SLC8A1: variants seen among roughly 807,000 people sequenced by gnomAD.
The protein encoded by SLC8A1 is sodium/calcium exchanger 1.
A neutral mutation model predicts 68.3 loss-of-function variants in SLC8A1; 18 were observed. The ratio of observed to expected loss-of-function variants is 0.26; its 90% confidence interval spans 0.18 to 0.39. SLC8A1 has a LOEUF of 0.39. Ranked by LOEUF, SLC8A1 falls within the 10% of genes least tolerant of loss-of-function variation. The probability of loss-of-function intolerance (pLI) is 1.00; values close to 1 mark genes in which losing one functional copy is unlikely to be tolerated. For synonymous variants in SLC8A1, 475 were observed against 415.5 expected (o/e 1.14, Z -1.74); for missense variants, 985 against 1,156.7 (o/e 0.85, Z 2.15).
chr2:40,379,936 C>T (rs1424674593), intron 2 of SLC8A1, among the ~76,000 whole-genome samples: 1 of 152,046 alleles, frequency 6.6e-6, no homozygotes, highest in Non-Finnish European at 1.5e-5. Context: ...TAGGAAAGAG[C>T]TCTAGTAGGT....
intron 2 of SLC8A1, among the ~76,000 whole-genome samples, chr2:40,416,987 A>G (rs1312669504): frequency 6.6e-6 from 1 of 152,102 alleles, no homozygotes. Context: ...AAAAATAAAA[A>G]TGATAATTTA....
chr2:40,337,362 C>A, intron 2 of SLC8A1: 1 of 330,342 alleles, frequency 3.0e-6, no homozygotes, highest in South Asian at 2.3e-5. Flanking sequence ...ACAGCTCAGT[C>A]GTACAGAGTA....
chr2:40,466,655 G>A (rs973030622), intron 1 of SLC8A1, among the ~76,000 whole-genome samples: 1 of 152,130 alleles, frequency 6.6e-6, no homozygotes, highest in African/African-American at 2.4e-5. Flanking sequence ...GTAATGACAG[G>A]AAATATGATT....
exon 8 of SLC8A1, chr2:40,105,392 A>G (rs1328656771): frequency 1.3e-5 from 2 of 152,212 alleles, no homozygotes; most frequent in Non-Finnish European, 2.9e-5. Flanking sequence ...TCTTTGGGTA[A>G]AGGTATAGTA....
chr2:40,393,617 C>T (rs1475655639), intron 2 of SLC8A1, among the ~76,000 whole-genome samples: 1 of 152,012 alleles, frequency 6.6e-6, no homozygotes, highest in Non-Finnish European at 1.5e-5. Flanking sequence ...CATATAAACC[C>T]ATATGAGGGT....
chr2:40,147,559 T>G (rs1437163687), intron 6 of SLC8A1, among the ~76,000 whole-genome samples: 1 of 152,196 alleles, frequency 6.6e-6, no homozygotes, highest in Non-Finnish European at 1.5e-5. Context: ...CACCAGGTTC[T>G]AAGACTGGCC....
chr2:40,359,407 A>T (rs1204901064), intron 2 of SLC8A1, among the ~76,000 whole-genome samples: 1 of 152,194 alleles, frequency 6.6e-6, no homozygotes, highest in African/African-American at 2.4e-5. Flanking sequence ...TAGTAAGTAC[A>T]TGCATAGCCT....
At chr2:40,128,279 G>A (rs2038570440) in intron 7 of SLC8A1, among the ~76,000 whole-genome samples, 1 of 152,154 alleles carries the variant, frequency 6.6e-6, no homozygotes, top group South Asian at 2.1e-4. Context: ...TTCTCATGCA[G>A]GGACCAGACA....
At chr2:40,293,629 C>T (rs1484660081) in intron 2 of SLC8A1, among the ~76,000 whole-genome samples, 5 of 152,064 alleles carry the variant, frequency 3.3e-5, no homozygotes, top group Admixed American at 6.5e-5. Flanking sequence ...AGGAAAATCA[C>T]TCTATTGATG....
At chr2:40,284,197 C>T (rs1004438819) in intron 2 of SLC8A1, among the ~76,000 whole-genome samples, 1 of 151,302 alleles carries the variant, frequency 6.6e-6, no homozygotes, top group Non-Finnish European at 1.5e-5. Context: ...CTATCTATAC[C>T]AATATATCTC....
At chr2:40,255,507 A>AAAGT (rs2063767467) in intron 2 of SLC8A1, among the ~76,000 whole-genome samples, 1 of 152,208 alleles carries the variant, frequency 6.6e-6, no homozygotes, top group Non-Finnish European at 1.5e-5. Context: ...TAGTAGGGAG[A>AAAGT]AAGTGTTCTG....
chr2:40,247,427 C>CAT lies in SLC8A1; in HGVS notation c.1809-69574_1809-69573dup, dbSNP rs530778980. Among the ~76,000 whole-genome samples the CAT allele has an allele frequency of 3.5e-4, 28 of 80,176 alleles. 1 individual carries two copies. In the South Asian group the frequency reaches 8.0e-3, roughly 23 times the overall value. The allele number at this position is 80,176 out of a possible 152,430, so 52.6% of individuals were successfully genotyped here. A position where few individuals can be genotyped will look rare whatever the true frequency, so the allele number is the denominator to read the frequency against. On this transcript the variant is annotated intron_variant, in intron 2 of 7. Coordinates refer to ENST00000406785, the Ensembl canonical transcript of SLC8A1. ...TTAGCAAAGCAACTTTAGAAAACAG[C>CAT]ATATATATGTGTGTGTGTGTGTGTG... is the stretch of plus-strand genomic sequence containing the variant.
At chr2:40,247,180 T>C (rs1222275402) in intron 2 of SLC8A1, among the ~76,000 whole-genome samples, 1 of 152,090 alleles carries the variant, frequency 6.6e-6, no homozygotes, top group African/African-American at 2.4e-5. Flanking sequence ...CTTTGAGCCT[T>C]GGTGAGTTTT....
intron 2 of SLC8A1, among the ~76,000 whole-genome samples, chr2:40,401,698 C>T (rs1688807469): frequency 6.7e-6 from 1 of 149,510 alleles, no homozygotes; most frequent in Admixed American, 6.7e-5. Context: ...ATTCTATTTA[C>T]ATTTAGTGTA....
At chr2:40,268,825 T>C (rs1008630443) in intron 2 of SLC8A1, among the ~76,000 whole-genome samples, 11 of 152,030 alleles carry the variant, frequency 7.2e-5, no homozygotes, top group Non-Finnish European at 8.8e-5. Context: ...CCAATCACAA[T>C]AAAACACATA....
chr2:40,266,221 T>C (rs904926160), intron 2 of SLC8A1, among the ~76,000 whole-genome samples: 4 of 152,172 alleles, frequency 2.6e-5, no homozygotes, highest in Non-Finnish European at 4.4e-5. Flanking sequence ...ATTCCTTTCT[T>C]TTAAAACTAC....
chr2:40,479,707 T>C (rs1327144876), intron 1 of SLC8A1, among the ~76,000 whole-genome samples: 1 of 152,182 alleles, frequency 6.6e-6, no homozygotes, highest in Admixed American at 6.5e-5. Context: ...GTATTGACAA[T>C]GAGTGTTTCC....
chr2:40,493,493 TAATAAAATAA>T (rs200158060), intron 1 of SLC8A1, among the ~76,000 whole-genome samples: 22 of 150,038 alleles, frequency 1.5e-4, no homozygotes, highest in African/African-American at 2.9e-4. Flanking sequence ...ACTTAAAGTA[TAATAAAATAA>T]AATAAAATAA....
intron 4 of SLC8A1, among the ~76,000 whole-genome samples, chr2:40,173,271 GAAAAAGGAGATAAAAGTTTAA>G (rs892920334): frequency 6.6e-6 from 1 of 152,030 alleles, no homozygotes; most frequent in African/African-American, 2.4e-5. Flanking sequence ...GATGGAATGA[GAAAAAGGAGATAAAAGTTTAA>G]AAAAAGGAGT....
Sources: gnomAD v4.1 joint callset for allele counts (sites outside exome capture counted in the v4.1 genomes callset) on GRCh38, gnomAD v4.1.1 for gene constraint, MANE v1.5 for transcripts, NCBI Gene and HGNC (gene_info 2026-07-23, HGNC 2026-07-21) for gene names.